ERBB4: variants seen among roughly 807,000 people sequenced by gnomAD.
ERBB4 encodes erb-b2 receptor tyrosine kinase 4, also known as receptor tyrosine-protein kinase erbB-4.
A neutral mutation model predicts 158.0 loss-of-function variants in ERBB4; 42 were observed. That is an observed-to-expected ratio of 0.27 (90% CI 0.21 to 0.34). The LOEUF (loss-of-function observed/expected upper bound fraction) is 0.34, where lower values mean the gene tolerates loss of function less well. Among genes scored for constraint, ERBB4 ranks in the 10% least tolerant of loss-of-function variants. ERBB4 has a pLI of 1.00. For missense variants in ERBB4, 1,333 were observed against 1,624.1 expected (o/e 0.82, Z 3.08); for synonymous variants, 583 against 558.7 (o/e 1.04, Z -0.61).
intron 2 of ERBB4, among the ~76,000 whole-genome samples, chr2:212,021,027 T>C (rs1366685156): frequency 6.6e-6 from 1 of 152,168 alleles, no homozygotes; most frequent in African/African-American, 2.4e-5. Flanking sequence ...TACTTTACAT[T>C]GATGAATCTA....
chr2:212,136,797 G>A (rs1001353471), intron 1 of ERBB4, among the ~76,000 whole-genome samples: 1 of 152,130 alleles, frequency 6.6e-6, no homozygotes, highest in South Asian at 2.1e-4. Flanking sequence ...TAGACTTGGG[G>A]TGAGAAGAAG....
At chr2:212,137,118 G>T (rs934967785) in intron 1 of ERBB4, among the ~76,000 whole-genome samples, 1 of 152,034 alleles carries the variant, frequency 6.6e-6, no homozygotes, top group Admixed American at 6.6e-5. Flanking sequence ...ATGAGTAGTG[G>T]GTTGTTATTT....
At chr2:212,122,636 T>C (rs541981590) in intron 2 of ERBB4, among the ~76,000 whole-genome samples, 1 of 152,138 alleles carries the variant, frequency 6.6e-6, no homozygotes, top group South Asian at 2.1e-4. Flanking sequence ...ACTTTTTAAT[T>C]CAAAATGGTT....
intron 12 of ERBB4, among the ~76,000 whole-genome samples, chr2:211,701,479 G>A (rs182552701): frequency 2.0e-5 from 3 of 152,186 alleles, no homozygotes; most frequent in East Asian, 1.9e-4. Flanking sequence ...CAAGACGGCC[G>A]GGCGCGGTGG....
chr2:212,486,667 G>C (rs1014760942), intron 1 of ERBB4, among the ~76,000 whole-genome samples: 24 of 152,110 alleles, frequency 1.6e-4, no homozygotes, highest in African/African-American at 5.3e-4. Context: ...TATAAAAAAC[G>C]TGTAGTATTC....
At chr2:211,948,242 C>A (rs2080758965) in intron 2 of ERBB4, among the ~76,000 whole-genome samples, 1 of 151,958 alleles carries the variant, frequency 6.6e-6, no homozygotes, top group Admixed American at 6.6e-5. Flanking sequence ...CGAGACCATT[C>A]TGGCCAACAT....
intron 20 of ERBB4, among the ~76,000 whole-genome samples, chr2:211,504,158 C>T (rs1363555666): frequency 6.6e-6 from 1 of 152,038 alleles, no homozygotes; most frequent in African/African-American, 2.4e-5. Context: ...GGATAAATTG[C>T]ACTACCCAAT....
intron 1 of ERBB4, among the ~76,000 whole-genome samples, chr2:212,467,639 T>C (rs1433175616): frequency 6.6e-6 from 1 of 152,198 alleles, no homozygotes; most frequent in Non-Finnish European, 1.5e-5. Flanking sequence ...AGGCAGAAGT[T>C]TGCTGTAGAG....
At chr2:212,090,365 A>G (rs2078737402) in intron 2 of ERBB4, among the ~76,000 whole-genome samples, 1 of 152,192 alleles carries the variant, frequency 6.6e-6, no homozygotes, top group Admixed American at 6.6e-5. Context: ...AGGAGTTGTA[A>G]TAATTCTCCC....
intron 1 of ERBB4, among the ~76,000 whole-genome samples, chr2:212,237,513 C>G (rs985849974): frequency 6.6e-6 from 1 of 152,116 alleles, no homozygotes; most frequent in African/African-American, 2.4e-5. Context: ...AGGTGTCTGT[C>G]GACTCCTGCT....
At chr2:212,171,646 G>C (rs932025033) in intron 1 of ERBB4, among the ~76,000 whole-genome samples, 1 of 152,054 alleles carries the variant, frequency 6.6e-6, no homozygotes, top group South Asian at 2.1e-4. Flanking sequence ...TCTTATAATA[G>C]TGAGCTAGTT....
At chr2:211,589,353 C>T (rs962504985) in intron 19 of ERBB4, among the ~76,000 whole-genome samples, 7 of 151,940 alleles carry the variant, frequency 4.6e-5, no homozygotes, top group East Asian at 1.9e-4. Flanking sequence ...AGATAATTGT[C>T]GAGTCAATGT....
intron 1 of ERBB4, among the ~76,000 whole-genome samples, chr2:212,181,430 T>C (rs1167287464): frequency 3.3e-5 from 5 of 151,686 alleles, no homozygotes; most frequent in Non-Finnish European, 7.4e-5. Context: ...TACAGTATTA[T>C]GTAAAATGCA....
chr2:211,898,795 C>T (rs72933731), intron 3 of ERBB4, among the ~76,000 whole-genome samples: 9,311 of 152,070 alleles, frequency 0.061, 434 homozygotes, highest in Non-Finnish European at 0.09. Context: ...GCTGTTGAAA[C>T]CTCCTGTAGT....
intron 20 of ERBB4, among the ~76,000 whole-genome samples, chr2:211,551,241 AC>A (rs1351743151): frequency 6.6e-5 from 10 of 152,336 alleles, no homozygotes; most frequent in African/African-American, 2.4e-4. Flanking sequence ...CATGCCGCTG[AC>A]ATACACAAAA....
chr2:211,456,092 G>C (rs1425625498), intron 20 of ERBB4, among the ~76,000 whole-genome samples: 1 of 152,206 alleles, frequency 6.6e-6, no homozygotes, highest in African/African-American at 2.4e-5. Context: ...TGAGGAGCCT[G>C]AGTGTGTGAA....
chr2:211,978,396 G>GTCTGTCTATCTATCTATCTA lies in ERBB4; in HGVS notation c.235-30781_235-30780insTAGATAGATAGATAGACAGA, dbSNP rs77259627. 8.5e-4 allele frequency among the ~76,000 whole-genome samples: 116 copies of GTCTGTCTATCTATCTATCTA among 136,640 alleles called. 2 individuals carry two copies. The highest frequency in any genetic ancestry group is 1.2e-3 in the Non-Finnish European group (74 of 63,714). 89.6% of individuals were successfully genotyped at this position (136,640 alleles called of 152,430 possible). A position where few individuals can be genotyped will look rare whatever the true frequency, so the allele number is the denominator to read the frequency against. Reference sequence around the variant, plus strand: ...TGTCTGTCTGTCTGTCTGTCTGTCTGTCTATCTATCTATCTATCTATCTAT... The same window carrying GTCTGTCTATCTATCTATCTA: ...TGTCTGTCTGTCTGTCTGTCTGTCTGTCTGTCTATCTATCTATCTATCTATCTATCTATCTATCTATCTAT... On this transcript the variant is annotated intron_variant, in intron 2 of 27. Coordinates refer to ENST00000342788, the MANE Select transcript of ERBB4 (RefSeq NM_005235.3).
chr2:211,435,594 C>G (rs1001143305), intron 20 of ERBB4, among the ~76,000 whole-genome samples: 2 of 152,170 alleles, frequency 1.3e-5, no homozygotes, highest in Non-Finnish European at 2.9e-5. Flanking sequence ...AGAGCTCTGC[C>G]TCCTGTCAGA....
chr2:211,628,635 T>C (rs2069962294), intron 17 of ERBB4, among the ~76,000 whole-genome samples: 1 of 152,214 alleles, frequency 6.6e-6, no homozygotes, highest in South Asian at 2.1e-4. Flanking sequence ...AACATACATG[T>C]GCATGTGTCT....
Sources: allele counts gnomAD v4.1 joint callset (sites outside exome capture counted in the v4.1 genomes callset), GRCh38; gene constraint gnomAD v4.1.1; transcripts MANE v1.5; gene names NCBI Gene and HGNC (gene_info 2026-07-23, HGNC 2026-07-21).